CHEK2: variants seen among roughly 807,000 people sequenced by gnomAD.
CHEK2 encodes the protein checkpoint kinase 2.
CHEK2 carries 71 observed loss-of-function variants against 69.1 expected under a neutral mutation model. The observed-to-expected ratio is 1.03, with a 90% confidence interval of 0.85 to 1.25. The LOEUF (loss-of-function observed/expected upper bound fraction) is 1.25, where lower values mean the gene tolerates loss of function less well. CHEK2 is among the 50% of genes most tolerant of loss of function. CHEK2 has a pLI of 0.00. For synonymous variants in CHEK2, 189 were observed against 226.9 expected, an observed-to-expected ratio of 0.83 and a Z score of 1.50; for missense variants, 664 against 649.6, an observed-to-expected ratio of 1.02 and a Z score of -0.24.
At chr22:28,720,084 A>G (rs1475020158) in intron 4 of CHEK2, among the ~76,000 whole-genome samples, 4 of 141,012 alleles carry the variant, frequency 2.8e-5, no homozygotes, top group Non-Finnish European at 6.0e-5. Flanking sequence ...TGTATCTTAA[A>G]AAAAGTAATT....
intron 9 of CHEK2, among the ~76,000 whole-genome samples, chr22:28,698,608 A>C (rs2052688974): frequency 6.6e-6 from 1 of 152,194 alleles, no homozygotes; most frequent in Non-Finnish European, 1.5e-5. Context: ...GCTCCCAATC[A>C]CTGCATTTCC....
At chr22:28,734,219 G>C (rs1405810550) in intron 2 of CHEK2, among the ~76,000 whole-genome samples, 184 bp downstream of exon 2, 1 of 152,148 alleles carries the variant, frequency 6.6e-6, no homozygotes, top group Non-Finnish European at 1.5e-5. Context: ...ATGTACTTTA[G>C]CTTCTATTGC....
At chr22:28,732,025 T>C (rs1018496) in intron 2 of CHEK2, among the ~76,000 whole-genome samples, 89,750 of 152,042 alleles carry the variant, frequency 0.59, 27,523 homozygotes, top group South Asian at 0.76. Flanking sequence ...CACTGCAACC[T>C]CCACCTCCCA....
intron 1 of CHEK2, among the ~76,000 whole-genome samples, chr22:28,739,677 A>C (rs1409651009): frequency 6.6e-6 from 1 of 151,814 alleles, no homozygotes; most frequent in Non-Finnish European, 1.5e-5. Context: ...CGACAGAGTA[A>C]GACTCTGTCT....
intron 2 of CHEK2, among the ~76,000 whole-genome samples, chr22:28,733,737 G>T (rs183686529): frequency 1.6e-4 from 25 of 152,060 alleles, no homozygotes; most frequent in Admixed American, 1.4e-3. Context: ...TGGCCAACGT[G>T]GTGAAACCCC....
chr22:28,703,542 A>T lies in CHEK2; in HGVS notation c.871T>A (p.Phe291Ile), dbSNP rs2052980010. ...NHPCIIKIKN[F>I]FDAEDYYIVL... is the part of the protein sequence containing the mutation. ...ATATAATAATCTTCTGCATCAAAAA[A>T]GTTTTTAATCTTGATGATGCAAGGC... The change falls in exon 8 of 15, where the codon TTT (phenylalanine) becomes ATT (isoleucine). Residue 291 changes from phenylalanine to isoleucine, a missense_variant. Coordinates refer to ENST00000404276, the MANE Select transcript of CHEK2 (RefSeq NM_007194.4). 6.4e-7 allele frequency: 1 copy of T among 1,559,956 alleles called. No homozygotes were observed. Among genetic ancestry groups the T allele is most frequent in the Non-Finnish European group, 8.8e-7 (1 of 1,136,904 alleles).
At chr22:28,705,283 T>C (rs551645100) in intron 7 of CHEK2, among the ~76,000 whole-genome samples, 21 of 151,860 alleles carry the variant, frequency 1.4e-4, no homozygotes, top group Non-Finnish European at 3.1e-4. Flanking sequence ...TTCACCATCT[T>C]GGCTGGGCCA....
At chr22:28,713,556 CT>C (rs2053483394) in intron 5 of CHEK2, among the ~76,000 whole-genome samples, 1 of 152,130 alleles carries the variant, frequency 6.6e-6, no homozygotes, top group Non-Finnish European at 1.5e-5. Flanking sequence ...GGGGGTTTCA[CT>C]GTGTTAGCCA....
intron 2 of CHEK2, among the ~76,000 whole-genome samples, chr22:28,731,022 T>G (rs2054199475): frequency 1.3e-5 from 2 of 151,894 alleles, no homozygotes; most frequent in African/African-American, 4.8e-5. Context: ...TGCAACATGA[T>G]GAAACCCCAT....
At chr22:28,736,730 A>C (rs982965382) in intron 1 of CHEK2, among the ~76,000 whole-genome samples, 3 of 152,156 alleles carry the variant, frequency 2.0e-5, no homozygotes, top group African/African-American at 7.2e-5. Context: ...ACTTGAGGCC[A>C]CGAGTTCAAT....
intron 13 of CHEK2, among the ~76,000 whole-genome samples, chr22:28,690,383 C>T (rs1298668944): frequency 6.6e-6 from 1 of 152,040 alleles, no homozygotes; most frequent in African/African-American, 2.4e-5. Flanking sequence ...AATCCCAGCA[C>T]TTTGGGAGGC....
chr22:28,720,750 C>T (rs373981555), intron 4 of CHEK2, among the ~76,000 whole-genome samples: 2 of 152,300 alleles, frequency 1.3e-5, no homozygotes, highest in South Asian at 2.1e-4. Context: ...GCACAAGTGT[C>T]CCTCTATGCT....
intron 1 of CHEK2, among the ~76,000 whole-genome samples, chr22:28,740,301 T>C (rs897173034): frequency 6.6e-6 from 1 of 152,208 alleles, no homozygotes; most frequent in Non-Finnish European, 1.5e-5. Context: ...CAGGACTTTA[T>C]TAGGTCAAAA....
chr22:28,688,606 T>C lies in CHEK2; in HGVS notation c.1542+529A>G, dbSNP rs149014632. On this transcript the variant is annotated intron_variant, in intron 14 of 14. Coordinates refer to ENST00000404276, the MANE Select transcript of CHEK2 (RefSeq NM_007194.4). ...ACTGCTTGAACCCAGGAGGCAGAGG[T>C]TGCAGTGAGCTGAGATTGCACCACT... Among the ~76,000 whole-genome samples, 1,450 of 151,876 alleles carry C rather than the reference T, an allele frequency of 9.5e-3. 21 individuals are homozygous for C. The highest frequency in any genetic ancestry group is 0.033 in the African/African-American group (1,376 of 41,402).
chr22:28,712,021 G>C lies in CHEK2; in HGVS notation c.684-4C>G, dbSNP rs121908695. The C allele has an allele frequency of 2.5e-6, 4 of 1,603,550 alleles. No homozygotes were observed. Among genetic ancestry groups the C allele is most frequent in the African/African-American group, 1.3e-5 (1 of 74,322 alleles). On this transcript the variant is annotated splice_region_variant and splice_polypyrimidine_tract_variant and intron_variant, in intron 5 of 14. Coordinates refer to ENST00000404276, the MANE Select transcript of CHEK2 (RefSeq NM_007194.4). ...CTTTACCTCTCCACAGGCACCACTAGAGGGAAAAACAAAGATAGTGATTGT... is the reference window on the plus strand; with the variant it reads ...CTTTACCTCTCCACAGGCACCACTACAGGGAAAAACAAAGATAGTGATTGT...
intron 7 of CHEK2, among the ~76,000 whole-genome samples, chr22:28,706,978 G>A (rs150565778): frequency 0.013 from 1,946 of 152,106 alleles, 41 homozygotes; most frequent in East Asian, 0.08. Flanking sequence ...GAAAAGGAAC[G>A]GAGAGAAGGA....
At chr22:28,740,685 C>G (rs1197206022) in intron 1 of CHEK2, among the ~76,000 whole-genome samples, 4 of 152,158 alleles carry the variant, frequency 2.6e-5, no homozygotes, top group Non-Finnish European at 4.4e-5. Context: ...TCCTTGGGAA[C>G]TCCATATAGC....
rs762760523 is a variant in CHEK2 at position 28,734,515 on chromosome 22, C to G, written c.207G>C (p.Gln69His). The G allele has an allele frequency of 6.2e-7, 1 of 1,614,036 alleles. No homozygotes were observed. Among genetic ancestry groups the G allele is most frequent in the South Asian group, 1.1e-5 (1 of 91,070 alleles). Residue 69 changes from glutamine to histidine, a missense_variant, in exon 2 of 15, where the codon CAG (glutamine) becomes CAC (histidine). Transcript: ENST00000404276. ...TLSSLETVSTQELYSIPEDQE... is the reference protein window; with the variant it reads ...TLSSLETVSTHELYSIPEDQE... ...GGTCCTCAGGAATAGAATAGAGTTC[C>G]TGAGTGGACACTGTCTCTAAGGAGC...
At chr22:28,737,117 T>C (rs2054434340) in intron 1 of CHEK2, 2 of 310,142 alleles carry the variant, frequency 6.4e-6, no homozygotes, top group African/African-American at 2.2e-5. Context: ...AACACTATAG[T>C]AGTCCCCACC....
Sources: gnomAD v4.1 joint callset for allele counts (sites outside exome capture counted in the v4.1 genomes callset) on GRCh38, gnomAD v4.1.1 for gene constraint, MANE v1.5 for transcripts, NCBI Gene and HGNC (gene_info 2026-07-23, HGNC 2026-07-21) for gene names.